The following PRKAA2 variants were observed in gnomAD, a reference collection of about 807,000 sequenced individuals.
The protein encoded by PRKAA2 is 5'-AMP-activated protein kinase catalytic subunit alpha-2.
Under a neutral mutation model 56.3 loss-of-function variants are expected in PRKAA2, and 40 were observed. The observed-to-expected ratio is 0.71, with a 90% CI of 0.55 to 0.92. The LOEUF is 0.92. Ranked by LOEUF, PRKAA2 falls within the 40% of genes least tolerant of loss-of-function variation. The pLI, the probability that PRKAA2 is intolerant of heterozygous loss-of-function variation, is 0.00. For missense variants in PRKAA2, 542 were observed against 686.9 expected (o/e 0.79, Z 2.36); for synonymous variants, 214 against 234.2 (o/e 0.91, Z 0.79).
chr1:56,710,614 C>T lies in PRKAA2; in HGVS notation c.*2901C>T, dbSNP rs1644363568. 1.3e-5 allele frequency: 2 copies of T among 152,092 alleles called. No homozygotes were observed. Among genetic ancestry groups the T allele is most frequent in the South Asian group, 4.1e-4 (2 of 4,832 alleles). The allele number at this position is 152,092 out of a possible 1,614,324, so 9.4% of individuals were successfully genotyped here. A position where few individuals can be genotyped will look rare whatever the true frequency, so the allele number is the denominator to read the frequency against. On this transcript the variant is annotated 3_prime_UTR_variant, in exon 9 of 9. Coordinates refer to ENST00000371244, the MANE Select transcript of PRKAA2 (RefSeq NM_006252.4). ...AGAATCTGATTGAAAATTAGAATTA[C>T]TTTGTTTTAACTTGCAGACATGTTC...
At chr1:56,705,285 T>C (rs749378928) in intron 7 of PRKAA2, among the ~76,000 whole-genome samples, 1 of 152,240 alleles carries the variant, frequency 6.6e-6, no homozygotes, top group Non-Finnish European at 1.5e-5. Context: ...TGGAGCAGTC[T>C]TATTTAGTTA....
chr1:56,668,275 G>A (rs1569734624), intron 1 of PRKAA2, among the ~76,000 whole-genome samples: 2 of 121,556 alleles, frequency 1.6e-5, no homozygotes, highest in African/African-American at 3.0e-5. Context: ...GGGGTGGGGG[G>A]AGGGGGGAGG....
In PRKAA2 at chr1:56,704,034, T is replaced by C. The variant is rs780848046; in HGVS notation, c.852T>C (p.Asp284=). 2.5e-6 allele frequency: 4 copies of C among 1,613,938 alleles called. No homozygotes were observed. The South Asian group carries it at 4.4e-5, about 18-fold the overall frequency. Reference sequence around the variant, plus strand: ...TATTTCCTGAAGACCCTTCCTATGATGCTAACGTCATTGATGATGAGGCTG... The same window carrying C: ...TATTTCCTGAAGACCCTTCCTATGACGCTAACGTCATTGATGATGAGGCTG... The part of the protein sequence containing the change: ...SYLFPEDPSY[D]ANVIDDEAVK... The change falls in exon 7 of 9, where the codon GAT becomes GAC. Residue 284 remains aspartate, a synonymous_variant. Coordinates refer to ENST00000371244, the MANE Select transcript of PRKAA2 (RefSeq NM_006252.4).
rs186937099 is a variant in PRKAA2 at position 56,662,268 on chromosome 1, G to A, written c.95-12113G>A. Among the ~76,000 whole-genome samples, 590 of 151,998 alleles carry A rather than the reference G, an allele frequency of 3.9e-3. 1 individual carries two copies. The highest frequency in any genetic ancestry group is 0.017 in the Middle Eastern group (5 of 294). ...TAGGAAGAATCTCTTTTTTTCTGCAGTTTAACTTTTGATTAAAAAGGAAAC... is the reference window on the plus strand; with the variant it reads ...TAGGAAGAATCTCTTTTTTTCTGCAATTTAACTTTTGATTAAAAAGGAAAC... On this transcript the variant is annotated intron_variant, in intron 1 of 8. Coordinates refer to ENST00000371244, the MANE Select transcript of PRKAA2 (RefSeq NM_006252.4).
At chr1:56,670,976 T>C (rs1644071149) in intron 1 of PRKAA2, among the ~76,000 whole-genome samples, 1 of 152,188 alleles carries the variant, frequency 6.6e-6, no homozygotes, top group Admixed American at 6.5e-5. Flanking sequence ...TCTTCTCATG[T>C]GTCTGTCTAT....
intron 1 of PRKAA2, among the ~76,000 whole-genome samples, chr1:56,655,828 T>C (rs1011818946): frequency 2.0e-5 from 3 of 152,196 alleles, no homozygotes; most frequent in African/African-American, 7.2e-5. Context: ...ACGGATATCC[T>C]GCTTAGAATA....
rs749902355 is a variant in PRKAA2, at chr1:56,706,078, A to AT, written c.1294-9dup. On this transcript the variant is annotated splice_polypyrimidine_tract_variant and intron_variant, in intron 7 of 8. Coordinates refer to ENST00000371244, the MANE Select transcript of PRKAA2 (RefSeq NM_006252.4). The stretch of plus-strand genomic sequence containing the variant: ...ATTTTGTAGTTTATTATTTTTATTG[A>AT]TTTTTCACTTTAGGTAGTGAATGCA... 1.3e-6 allele frequency: 2 copies of AT among 1,586,942 alleles called. No homozygotes were observed. The highest frequency in any genetic ancestry group is 2.3e-5 in the South Asian group (2 of 86,590).
At chr1:56,652,008 AT>A (rs35462805) in intron 1 of PRKAA2, among the ~76,000 whole-genome samples, 39,911 of 106,500 alleles carry the variant, frequency 0.37, 5,860 homozygotes, top group Middle Eastern at 0.45. Context: ...CGCCTGGCTA[AT>A]TTTTTTTTTT....
intron 1 of PRKAA2, among the ~76,000 whole-genome samples, chr1:56,666,013 G>T (rs543961654): frequency 1.1e-4 from 16 of 152,104 alleles, no homozygotes; most frequent in African/African-American, 3.6e-4. Context: ...GGAATATATA[G>T]ATAATAACTC....
chr1:56,657,932 G>A (rs746327944), intron 1 of PRKAA2, among the ~76,000 whole-genome samples: 1 of 151,948 alleles, frequency 6.6e-6, no homozygotes, highest in Non-Finnish European at 1.5e-5. Context: ...TAAGTATGTG[G>A]GTAACTAAAT....
At chr1:56,691,301 AT>A in intron 2 of PRKAA2, 92 bp from the exon 3 acceptor site, 2 of 762,790 alleles carry the variant, frequency 2.6e-6, no homozygotes, top group Non-Finnish European at 4.2e-6. Context: ...ATTATAAAAC[AT>A]TGAAATATAA....
At chr1:56,650,739 T>G (rs1479056381) in intron 1 of PRKAA2, among the ~76,000 whole-genome samples, 1 of 152,228 alleles carries the variant, frequency 6.6e-6, no homozygotes, top group Non-Finnish European at 1.5e-5. Flanking sequence ...AAGGGATACT[T>G]AGGTTCTTTC....
At position 56,710,936 on chromosome 1, in the gene PRKAA2, C is replaced by T. The variant is rs1644365388; in HGVS notation, c.*3223C>T. ...GGGATACCATATGAAGATCTAATTC[C>T]TTATGTTTCAGTGTAGGAACAGCTA... On this transcript the variant is annotated 3_prime_UTR_variant, in exon 9 of 9. Transcript: ENST00000371244. The T allele has an allele frequency of 6.6e-6, 1 of 151,976 alleles. No homozygotes were observed. Among genetic ancestry groups the T allele is most frequent in the Admixed American group, 6.6e-5 (1 of 15,242 alleles). 9.4% of individuals were successfully genotyped at this position (151,976 alleles called of 1,614,324 possible).
intron 6 of PRKAA2, among the ~76,000 whole-genome samples, chr1:56,698,888 A>G (rs190922033): frequency 6.6e-6 from 1 of 152,258 alleles, no homozygotes; most frequent in African/African-American, 2.4e-5. Flanking sequence ...CAAGATAGAT[A>G]TTATCTTCAT....
rs1644363452 is a variant in PRKAA2 at position 56,710,588 on chromosome 1, G to A, written c.*2875G>A. On this transcript the variant is annotated 3_prime_UTR_variant, in exon 9 of 9. Transcript: ENST00000371244. ...TTCCATTTCTCTTACTGGTTGTTGG[G>A]AGAATCTGATTGAAAATTAGAATTA... 1 of 152,108 alleles carries A rather than the reference G, an allele frequency of 6.6e-6. No individual in the cohort carries two copies. Among genetic ancestry groups the A allele is most frequent in the Non-Finnish European group, 1.5e-5 (1 of 67,990 alleles). The allele number at this position is 152,108 out of a possible 1,614,324, so 9.4% of individuals were successfully genotyped here.
rs757872882 is a variant in PRKAA2 at position 56,706,236 on chromosome 1, G to T, written c.1420+18G>T. ...CATTGATGGTAAGGAAGCTATGCATGCATGAGCTCTGAGAAGATAAAACTT... is the reference window on the plus strand; with the variant it reads ...CATTGATGGTAAGGAAGCTATGCATTCATGAGCTCTGAGAAGATAAAACTT... On this transcript the variant is annotated intron_variant, in intron 8 of 8. Coordinates refer to ENST00000371244, the MANE Select transcript of PRKAA2 (RefSeq NM_006252.4). 2 of 1,608,656 alleles carry T rather than the reference G, an allele frequency of 1.2e-6. No individual in the cohort carries two copies. The highest frequency in any genetic ancestry group is 1.3e-5 in the African/African-American group (1 of 74,576).
chr1:56,667,187 C>T (rs1274585494), intron 1 of PRKAA2, among the ~76,000 whole-genome samples: 1 of 152,228 alleles, frequency 6.6e-6, no homozygotes, highest in Non-Finnish European at 1.5e-5. Flanking sequence ...GACTGATACA[C>T]ATGCCTTCCA....
At chr1:56,673,040 G>A (rs906786379) in intron 1 of PRKAA2, among the ~76,000 whole-genome samples, 3 of 152,102 alleles carry the variant, frequency 2.0e-5, no homozygotes, top group Admixed American at 1.3e-4. Context: ...CAAAGTTGAC[G>A]AGACTGGCTT....
intron 6 of PRKAA2, among the ~76,000 whole-genome samples, chr1:56,700,963 T>C (rs928678475): frequency 6.6e-6 from 1 of 152,140 alleles, no homozygotes; most frequent in African/African-American, 2.4e-5. Context: ...ATCTCACCTT[T>C]CTTATTGAGA....
Sources: gnomAD v4.1 joint callset for allele counts (sites outside exome capture counted in the v4.1 genomes callset) on GRCh38, gnomAD v4.1.1 for gene constraint, MANE v1.5 for transcripts, NCBI Gene and HGNC (gene_info 2026-07-23, HGNC 2026-07-21) for gene names.